Variants in BAZ2B observed in about 807,000 individuals in gnomAD.
BAZ2B encodes the protein bromodomain adjacent to zinc finger domain protein 2B.
BAZ2B carries 91 observed loss-of-function variants against 246.0 expected under a neutral mutation model. The observed-to-expected ratio is 0.37, with a 90% confidence interval of 0.31 to 0.44. BAZ2B has a LOEUF of 0.44. Ranked by LOEUF, BAZ2B falls within the 20% of genes least tolerant of loss-of-function variation. BAZ2B has a pLI of 1.00. For missense variants in BAZ2B, 2,332 were observed against 2,533.7 expected, an observed-to-expected ratio of 0.92 and a Z score of 1.71; for synonymous variants, 855 against 860.0, an observed-to-expected ratio of 0.99 and a Z score of 0.10.
At chr2:159,528,386 G>A (rs34735909) in intron 2 of BAZ2B, among the ~76,000 whole-genome samples, 4,026 of 152,112 alleles carry the variant, frequency 0.026, 182 homozygotes, top group African/African-American at 0.092. Flanking sequence ...AAAACAGGCC[G>A]AGAACAGTAG....
chr2:159,482,956 C>A (rs1337314087), intron 2 of BAZ2B, among the ~76,000 whole-genome samples: 1 of 152,164 alleles, frequency 6.6e-6, no homozygotes, highest in East Asian at 1.9e-4. Context: ...CTGACACCTA[C>A]GCTCCTATAA....
rs747863920 is a variant in BAZ2B at position 159,386,439 on chromosome 2, C to T, written c.3385G>A (p.Gly1129Arg). The change falls in exon 22 of 37, where the codon GGG becomes AGG. Residue 1129 changes from glycine (G) to arginine (R), a missense_variant. Physicochemically the swap from Gly to Arg is moderately radical, Grantham distance 125. Around this residue, in one of 9 missense-constraint regions of BAZ2B, gnomAD observed 328 missense variants for 410.4 expected, o/e 0.80. Transcript: ENST00000392783. ...TCTTGTACTTCACCCATGCTGTCCC[C>T]TATATTTAGCAATCCCTCTTGAAGA... ...SVLQEGLLNIGDSMGEVQDLL... is the reference protein window; with the variant it reads ...SVLQEGLLNIRDSMGEVQDLL... The T allele has an allele frequency of 1.2e-6, 2 of 1,613,604 alleles. No individual in the cohort carries two copies.
At chr2:159,368,858 T>TAAAAAAAAAAAAAAAAA (rs58161936) in intron 27 of BAZ2B, among the ~76,000 whole-genome samples, 1 of 123,868 alleles carries the variant, frequency 8.1e-6, no homozygotes, top group African/African-American at 3.4e-5. Flanking sequence ...CTGAAAGGCC[T>TAAAAAAAAAAAAAAAAA]AAAAAAAAAA....
the BAZ2B span, among the ~76,000 whole-genome samples, chr2:159,652,251 C>T: frequency 6.6e-6 from 1 of 151,532 alleles, no homozygotes; most frequent in African/African-American, 2.4e-5. Context: ...CTCTTGTTGC[C>T]CAGGCTGGAG....
chr2:159,663,513 G>GTT, the BAZ2B span, among the ~76,000 whole-genome samples: 272 of 143,096 alleles, frequency 1.9e-3, 1 homozygote, highest in Middle Eastern at 0.011. Flanking sequence ...TGTTGCTAAT[G>GTT]TTTTTTTTTT....
chr2:159,681,827 A>G, the BAZ2B span, among the ~76,000 whole-genome samples: 1 of 152,232 alleles, frequency 6.6e-6, no homozygotes, highest in Non-Finnish European at 1.5e-5. Flanking sequence ...CGGGAGGCTG[A>G]GGCAGGAGAA....
chr2:159,426,432 T>C (rs780945200), intron 13 of BAZ2B, among the ~76,000 whole-genome samples: 5 of 152,162 alleles, frequency 3.3e-5, no homozygotes, highest in African/African-American at 4.8e-5. Flanking sequence ...GTTTCTAATA[T>C]GTTTTATGAC....
chr2:159,335,072 G>A (rs919838702), intron 33 of BAZ2B, among the ~76,000 whole-genome samples: 4 of 151,686 alleles, frequency 2.6e-5, no homozygotes, highest in Non-Finnish European at 4.4e-5. Flanking sequence ...CACCATAACT[G>A]GCAAGAAATC....
intron 26 of BAZ2B, 106 bp downstream of exon 26, chr2:159,374,585 C>T: frequency 1.1e-6 from 1 of 885,652 alleles, no homozygotes; most frequent in Admixed American, 2.4e-5. Flanking sequence ...TTTAATTACT[C>T]ACCAAAAGCC....
intron 4 of BAZ2B, among the ~76,000 whole-genome samples, chr2:159,448,988 A>T (rs1190858197): frequency 5.3e-5 from 8 of 152,170 alleles, no homozygotes; most frequent in African/African-American, 1.9e-4. Context: ...TAAGTTCTCA[A>T]AGGAGATTTC....
intron 2 of BAZ2B, among the ~76,000 whole-genome samples, chr2:159,503,113 C>G (rs2082006405): frequency 6.6e-6 from 1 of 151,934 alleles, no homozygotes; most frequent in Admixed American, 6.6e-5. Context: ...TTTTTTAAAG[C>G]AGTAATCTTT....
chr2:159,622,031 G>C, the BAZ2B span, among the ~76,000 whole-genome samples: 5 of 151,920 alleles, frequency 3.3e-5, no homozygotes, highest in African/African-American at 1.2e-4. Flanking sequence ...GCTTGAAACC[G>C]GGAGGCGGAG....
At chr2:159,613,364 T>C (rs1002799901) in intron 1 of BAZ2B, among the ~76,000 whole-genome samples, 18 of 151,832 alleles carry the variant, frequency 1.2e-4, no homozygotes, top group African/African-American at 3.9e-4. Flanking sequence ...TTTTAAAATA[T>C]GTACCCATTC....
chr2:159,604,027 GTAT>G (rs1414463060), intron 1 of BAZ2B, among the ~76,000 whole-genome samples: 1 of 151,966 alleles, frequency 6.6e-6, no homozygotes, highest in Non-Finnish European at 1.5e-5. Context: ...ATGCTTTTCT[GTAT>G]TTTTAAAAAC....
At position 159,324,921 on chromosome 2, in the gene BAZ2B, A is replaced by G; in HGVS notation, c.6243T>C (p.Asp2081=). ...TTACAGGAAGTAGAAAAGGCCATGC[A>G]TCCTCATGAGTTTCCATTTCAGTCA... ...MILTEMETHE[D]AWPFLLPVNL... Residue 2081 remains aspartate (D), a synonymous_variant, in exon 36 of 37, where the codon GAT becomes GAC. Coordinates refer to ENST00000392783, the MANE Select transcript of BAZ2B (RefSeq NM_013450.4). 1 of 1,554,140 alleles carries G rather than the reference A, an allele frequency of 6.4e-7. No homozygotes were observed. The highest frequency in any genetic ancestry group is 8.6e-7 in the Non-Finnish European group (1 of 1,159,038).
the BAZ2B span, among the ~76,000 whole-genome samples, chr2:159,684,658 A>G: frequency 6.6e-6 from 1 of 152,116 alleles, no homozygotes; most frequent in Admixed American, 6.5e-5. Flanking sequence ...CAGACCATAC[A>G]CTGTAACTGT....
At chr2:159,380,650 CA>C (rs2061892932) in intron 25 of BAZ2B, among the ~76,000 whole-genome samples, 1 of 152,102 alleles carries the variant, frequency 6.6e-6, no homozygotes, top group South Asian at 2.1e-4. Context: ...TTTGCGCTAA[CA>C]ATGTGGATTA....
chr2:159,446,078 C>T lies in BAZ2B; in HGVS notation c.696+704G>A, dbSNP rs111482792. On this transcript the variant is annotated intron_variant, in intron 6 of 36. Transcript: ENST00000392783. ...GCAGTGAGCTGAGATTCTGCCACTA[C>T]ACTCCAGCCAGTGCAACAGAGCCAG... Among the ~76,000 whole-genome samples, 62 of 152,168 alleles carry T rather than the reference C, an allele frequency of 4.1e-4. 2 individuals are homozygous for T. The highest frequency in any genetic ancestry group is 1.4e-3 in the African/African-American group (59 of 41,530).
At chr2:159,336,797 A>G in intron 33 of BAZ2B, 145 bp downstream of exon 33, 1 of 710,376 alleles carries the variant, frequency 1.4e-6, no homozygotes, top group South Asian at 3.9e-5. Flanking sequence ...GGAAAGTATC[A>G]AAAATCTTTT....
Sources: gnomAD v4.1 joint callset for allele counts (sites outside exome capture counted in the v4.1 genomes callset) on GRCh38, gnomAD v4.1.1 for gene constraint, gnomAD v4.1.1 regional missense constraint, MANE v1.5 for transcripts, NCBI Gene and HGNC (gene_info 2026-07-23, HGNC 2026-07-21) for gene names.